KLHL32: variants seen among roughly 807,000 people sequenced by gnomAD.
KLHL32 encodes the protein kelch like family member 32, also known as kelch-like protein 32.
Under a neutral mutation model 64.8 loss-of-function variants are expected in KLHL32, and 35 were observed. The observed-to-expected ratio is 0.54, with a 90% CI of 0.41 to 0.72. The LOEUF (loss-of-function observed/expected upper bound fraction) is 0.72. Among genes scored for constraint, KLHL32 ranks in the 30% least tolerant of loss-of-function variants. The pLI is 0.00. For synonymous variants in KLHL32, 259 were observed against 281.0 expected, an observed-to-expected ratio of 0.92 and a Z score of 0.78; for missense variants, 589 against 768.5, an observed-to-expected ratio of 0.77 and a Z score of 2.76.
At chr6:96,936,241 G>A (rs144459928) in intron 1 of KLHL32, among the ~76,000 whole-genome samples, 1 of 152,282 alleles carries the variant, frequency 6.6e-6, no homozygotes, top group East Asian at 1.9e-4. Context: ...AAATAGACAT[G>A]TCTACATTTT....
At chr6:97,107,489 A>T (rs576469803) in intron 6 of KLHL32, among the ~76,000 whole-genome samples, 27 of 152,290 alleles carry the variant, frequency 1.8e-4, no homozygotes, top group Admixed American at 1.6e-3. Flanking sequence ...TCTGGTTTTG[A>T]TTTCCATTTG....
chr6:96,898,750 C>T, the KLHL32 span, among the ~76,000 whole-genome samples: 1 of 152,086 alleles, frequency 6.6e-6, no homozygotes, highest in South Asian at 2.1e-4. Context: ...CTCCGTCTCT[C>T]TCCATTTCCT....
At chr6:97,117,722 G>C (rs910546779) in intron 7 of KLHL32, among the ~76,000 whole-genome samples, 18 of 152,106 alleles carry the variant, frequency 1.2e-4, no homozygotes, top group Admixed American at 1.0e-3. Flanking sequence ...ATATCCTACA[G>C]CTGTGTTTTT....
At chr6:97,122,758 G>A (rs955155303) in intron 7 of KLHL32, among the ~76,000 whole-genome samples, 1 of 152,206 alleles carries the variant, frequency 6.6e-6, no homozygotes, top group South Asian at 2.1e-4. Flanking sequence ...TATGAGGAAT[G>A]TATCATCATC....
At chr6:97,056,236 G>T (rs1445977295) in intron 4 of KLHL32, among the ~76,000 whole-genome samples, 1 of 151,242 alleles carries the variant, frequency 6.6e-6, no homozygotes, top group Non-Finnish European at 1.5e-5. Flanking sequence ...CTCCCTAGTA[G>T]CTGGGACTAC....
intron 4 of KLHL32, among the ~76,000 whole-genome samples, chr6:97,056,340 C>T (rs1051571134): frequency 3.3e-5 from 5 of 152,058 alleles, no homozygotes; most frequent in Admixed American, 2.0e-4. Context: ...CTCCTGACCT[C>T]GTGATCCTCC....
At chr6:96,964,638 G>C (rs1275235012) in intron 1 of KLHL32, among the ~76,000 whole-genome samples, 1 of 152,232 alleles carries the variant, frequency 6.6e-6, no homozygotes, top group African/African-American at 2.4e-5. Flanking sequence ...GGGCGACAGA[G>C]CGAAACCCTG....
intron 3 of KLHL32, among the ~76,000 whole-genome samples, chr6:97,021,223 G>A (rs1435100868): frequency 6.6e-6 from 1 of 150,894 alleles, no homozygotes; most frequent in Non-Finnish European, 1.5e-5. Context: ...GGTTTATTAC[G>A]TGGGTAAATT....
At chr6:97,068,875 A>T (rs947583650) in intron 5 of KLHL32, among the ~76,000 whole-genome samples, 2 of 152,184 alleles carry the variant, frequency 1.3e-5, no homozygotes, top group African/African-American at 4.8e-5. Context: ...TGTATTTTTT[A>T]TTCATGGACA....
In KLHL32 at chr6:97,018,605, A is replaced by G. The variant is rs550091867; in HGVS notation, c.205-22887A>G. On this transcript the variant is annotated intron_variant, in intron 3 of 10. Coordinates refer to ENST00000369261, the MANE Select transcript of KLHL32 (RefSeq NM_052904.4). ...GACAGAGCAAGACTCAGTCTCAAAA[A>G]AAAAAAAAAATCAATCCAAGTATAT... 4.6e-5 allele frequency among the ~76,000 whole-genome samples: 7 copies of G among 152,126 alleles called. No homozygotes were observed. In the East Asian group the frequency reaches 1.2e-3, roughly 25 times the overall value.
chr6:97,007,431 CT>C (rs773968003), intron 3 of KLHL32, among the ~76,000 whole-genome samples: 28 of 152,174 alleles, frequency 1.8e-4, no homozygotes, highest in South Asian at 1.5e-3. Flanking sequence ...TTTTGATTTT[CT>C]CTTGAATATG....
chr6:96,965,446 C>G (rs1023157770), intron 1 of KLHL32, among the ~76,000 whole-genome samples: 7 of 152,168 alleles, frequency 4.6e-5, no homozygotes, highest in African/African-American at 1.7e-4. Flanking sequence ...TGAAGCATAT[C>G]AAGTTAGACT....
At chr6:97,085,049 A>G (rs1451555525) in intron 5 of KLHL32, 77 bp from the exon 6 acceptor site, 1 of 1,251,412 alleles carries the variant, frequency 8.0e-7, no homozygotes, top group African/African-American at 1.5e-5. Flanking sequence ...TTAGTGAGTC[A>G]ATCTGAATTT....
At chr6:97,119,405 CAA>C (rs933912976) in intron 7 of KLHL32, among the ~76,000 whole-genome samples, 1 of 152,040 alleles carries the variant, frequency 6.6e-6, no homozygotes, top group Non-Finnish European at 1.5e-5. Flanking sequence ...GAGAGTGTGA[CAA>C]GAGAGATGGA....
chr6:97,018,189 AAAAG>A (rs1342681034), intron 3 of KLHL32, among the ~76,000 whole-genome samples: 1 of 152,224 alleles, frequency 6.6e-6, no homozygotes, highest in African/African-American at 2.4e-5. Flanking sequence ...TAAGGAGAAA[AAAAG>A]AAACAGAGAA....
At chr6:97,095,322 A>T (rs1794829370) in intron 6 of KLHL32, among the ~76,000 whole-genome samples, 1 of 152,226 alleles carries the variant, frequency 6.6e-6, no homozygotes, top group Non-Finnish European at 1.5e-5. Flanking sequence ...AATCCAATAA[A>T]GTGTAAATAA....
intron 6 of KLHL32, among the ~76,000 whole-genome samples, chr6:97,105,765 C>G (rs914665971): frequency 6.8e-6 from 1 of 147,834 alleles, no homozygotes; most frequent in Non-Finnish European, 1.5e-5. Context: ...TAGACCAAGA[C>G]AAAAAAAAAA....
chr6:97,129,554 T>C (rs1050251677), intron 8 of KLHL32, among the ~76,000 whole-genome samples: 10 of 152,212 alleles, frequency 6.6e-5, no homozygotes, highest in Admixed American at 6.6e-4. Flanking sequence ...AACCAAATAT[T>C]GAAGGTTTCA....
chr6:96,955,087 A>C (rs1325189511), intron 1 of KLHL32, among the ~76,000 whole-genome samples: 1 of 152,172 alleles, frequency 6.6e-6, no homozygotes, highest in Non-Finnish European at 1.5e-5. Flanking sequence ...CTCTTCTTAT[A>C]ATAGCATTGA....
Sources: allele counts gnomAD v4.1 joint callset (sites outside exome capture counted in the v4.1 genomes callset), GRCh38; gene constraint gnomAD v4.1.1; transcripts MANE v1.5; gene names NCBI Gene and HGNC (gene_info 2026-07-23, HGNC 2026-07-21).